AGBL4: variants seen among roughly 807,000 people sequenced by gnomAD.
AGBL4 encodes AGBL carboxypeptidase 4.
AGBL4 carries 58 observed loss-of-function variants against 66.4 expected under a neutral mutation model. The ratio of observed to expected loss-of-function variants is 0.87; its 90% confidence interval spans 0.71 to 1.09. The LOEUF (loss-of-function observed/expected upper bound fraction) is 1.09. AGBL4 is among the 50% of genes least tolerant of loss of function. AGBL4 has a pLI of 0.00. For missense variants in AGBL4, 579 were observed against 631.0 expected (o/e 0.92, Z 0.88); for synonymous variants, 234 against 222.9 (o/e 1.05, Z -0.44).
intron 5 of AGBL4, among the ~76,000 whole-genome samples, chr1:48,868,078 C>G (rs1372215822): frequency 2.0e-5 from 3 of 152,132 alleles, no homozygotes; most frequent in Admixed American, 2.0e-4. Context: ...TCCTTAAGTC[C>G]CAGTCCTCCT....
Position 48,736,163 on chromosome 1 carries a change from T to C in AGBL4, c.635-72922A>G, listed in dbSNP as rs949632050. 45 of 1,491,678 alleles carry C rather than the reference T, an allele frequency of 3.0e-5. No individual in the cohort carries two copies. In the Middle Eastern group the frequency reaches 6.9e-4, roughly 23 times the overall value. 92.4% of individuals were successfully genotyped at this position (1,491,678 alleles called of 1,614,324 possible). Reference sequence around the variant, plus strand: ...AGAAGCTTCATAAGTAATCGTTGAATTGAATTGTGCCTAACACATTCTTGA... The same window carrying C: ...AGAAGCTTCATAAGTAATCGTTGAACTGAATTGTGCCTAACACATTCTTGA... On this transcript the variant is annotated intron_variant, in intron 6 of 13. Coordinates refer to ENST00000371839, the MANE Select transcript of AGBL4 (RefSeq NM_032785.4). This position sits in a 1 kb window ranked among gnomAD's most constrained non-coding sequence, Gnocchi z 4.0.
rs369248769 is a variant in AGBL4, at chr1:49,768,987, T to C, written c.158-71550A>G. Among the ~76,000 whole-genome samples the C allele has an allele frequency of 2.6e-5, 4 of 152,262 alleles. No homozygotes were observed. The East Asian group carries it at 7.7e-4, about 29-fold the overall frequency. On this transcript the variant is annotated intron_variant, in intron 2 of 13. Coordinates refer to ENST00000371839, the MANE Select transcript of AGBL4 (RefSeq NM_032785.4). ...CCTCAGCCTCCCAAGTAGCTGGGAT[T>C]ACAGGCATATGCCACCACATCCAGC...
intron 11 of AGBL4, 46 bp downstream of exon 11, chr1:48,586,958 C>G (rs77301668): frequency 1.9e-6 from 3 of 1,605,456 alleles, no homozygotes; most frequent in South Asian, 2.3e-5. Flanking sequence ...TGGATACTCT[C>G]GGCTGGATGA....
At chr1:49,195,358 G>A (rs762115811) in intron 4 of AGBL4, among the ~76,000 whole-genome samples, 8 of 152,174 alleles carry the variant, frequency 5.3e-5, no homozygotes, top group Non-Finnish European at 7.4e-5. Context: ...TGATGATGAA[G>A]TCTCTCTGTA....
intron 1 of AGBL4, among the ~76,000 whole-genome samples, chr1:49,933,522 T>C (rs952649447): frequency 5.3e-5 from 8 of 152,100 alleles, no homozygotes; most frequent in African/African-American, 1.7e-4. Flanking sequence ...ACTGTAATGA[T>C]AGAGTATAAA....
At chr1:49,290,126 A>C (rs1267448056) in intron 3 of AGBL4, among the ~76,000 whole-genome samples, 3 of 152,214 alleles carry the variant, frequency 2.0e-5, no homozygotes, top group African/African-American at 7.2e-5. Context: ...TATTGAAATA[A>C]ATTAGAAAAT....
intron 3 of AGBL4, among the ~76,000 whole-genome samples, chr1:49,405,884 C>T (rs530076887): frequency 3.9e-5 from 6 of 152,326 alleles, no homozygotes; most frequent in African/African-American, 1.4e-4. Context: ...CACTCTCCAA[C>T]TCAATGTCAT....
At chr1:49,916,334 GA>G (rs1466906527) in intron 1 of AGBL4, among the ~76,000 whole-genome samples, 1 of 152,040 alleles carries the variant, frequency 6.6e-6, no homozygotes, top group East Asian at 1.9e-4. Context: ...TAAAAACCTT[GA>G]AAAAAGATTA....
intron 3 of AGBL4, among the ~76,000 whole-genome samples, chr1:49,595,689 T>G: frequency 6.6e-6 from 1 of 152,138 alleles, no homozygotes; most frequent in Non-Finnish European, 1.5e-5. Context: ...TGAAATGCAA[T>G]TATTTCATAG....
intron 3 of AGBL4, among the ~76,000 whole-genome samples, chr1:49,658,188 G>A (rs1476277953): frequency 6.6e-6 from 1 of 152,124 alleles, no homozygotes; most frequent in African/African-American, 2.4e-5. Context: ...CCATCAAAAA[G>A]TGGGTGAAGG....
At chr1:48,671,547 A>C (rs1410555345) in intron 6 of AGBL4, among the ~76,000 whole-genome samples, 5 of 152,246 alleles carry the variant, frequency 3.3e-5, no homozygotes. Context: ...TCATTTTCTC[A>C]TCTGCAAAAT....
At chr1:48,670,730 G>T (rs535166068) in intron 6 of AGBL4, among the ~76,000 whole-genome samples, 1 of 152,178 alleles carries the variant, frequency 6.6e-6, no homozygotes, top group African/African-American at 2.4e-5. Context: ...CCTCAGGCAG[G>T]CTCCCTACCC....
chr1:49,654,044 G>A (rs1034900294), intron 3 of AGBL4, among the ~76,000 whole-genome samples: 3 of 152,170 alleles, frequency 2.0e-5, no homozygotes, highest in East Asian at 3.9e-4. Flanking sequence ...AGATCGAAAC[G>A]AAAGAAAACA....
intron 1 of AGBL4, among the ~76,000 whole-genome samples, chr1:49,909,424 A>G (rs1452950711): frequency 6.6e-6 from 1 of 152,138 alleles, no homozygotes; most frequent in Admixed American, 6.5e-5. Flanking sequence ...TGAAGAAAGT[A>G]AGGGGACGTA....
chr1:48,590,554 TCAAAA>T (rs573418805), intron 10 of AGBL4, among the ~76,000 whole-genome samples: 1 of 151,932 alleles, frequency 6.6e-6, no homozygotes, highest in Non-Finnish European at 1.5e-5. Flanking sequence ...AGATCCTGTC[TCAAAA>T]CAAAACAAAA....
chr1:48,806,978 G>A (rs1009221081), intron 6 of AGBL4, among the ~76,000 whole-genome samples: 1 of 152,140 alleles, frequency 6.6e-6, no homozygotes, highest in East Asian at 1.9e-4. Flanking sequence ...CTATGCTTGT[G>A]AATGAGCATC....
rs149449677 is a variant in AGBL4 at position 49,218,880 on chromosome 1, T to C, written c.377+26890A>G. On this transcript the variant is annotated intron_variant, in intron 4 of 13. Coordinates refer to ENST00000371839, the MANE Select transcript of AGBL4 (RefSeq NM_032785.4). ...AGTCTCACAAGATCTGATGGTTTTA[T>C]AAAGAGGAATTTCCTGCACAAGCTC... Among the ~76,000 whole-genome samples the C allele has an allele frequency of 7.4e-3, 1,130 of 152,230 alleles. 12 individuals carry two copies. The highest frequency in any genetic ancestry group is 0.025 in the African/African-American group (1,054 of 41,542).
rs190525536 is a variant in AGBL4 at position 48,547,898 on chromosome 1, C to T, written c.1268-8160G>A. Among the ~76,000 whole-genome samples the T allele has an allele frequency of 2.2e-3, 337 of 152,212 alleles. 1 individual carries two copies. Among genetic ancestry groups the T allele is most frequent in the African/African-American group, 7.6e-3 (315 of 41,528 alleles). On this transcript the variant is annotated intron_variant, in intron 11 of 13. Coordinates refer to ENST00000371839, the MANE Select transcript of AGBL4 (RefSeq NM_032785.4). ...CTTGGGCCATTTCCCTTCACTGGGCCTAACTTCTCTGTGGGTAAATGTAGT... is the reference window on the plus strand; with the variant it reads ...CTTGGGCCATTTCCCTTCACTGGGCTTAACTTCTCTGTGGGTAAATGTAGT...
chr1:49,838,713 A>G (rs1645914346), intron 2 of AGBL4, among the ~76,000 whole-genome samples: 1 of 152,228 alleles, frequency 6.6e-6, no homozygotes, highest in South Asian at 2.1e-4. Context: ...GGAAGAAGCA[A>G]TAACAGTAAG....
Sources: gnomAD v4.1 joint callset for allele counts (sites outside exome capture counted in the v4.1 genomes callset) on GRCh38, gnomAD v4.1.1 for gene constraint, Gnocchi (gnomAD v3.1) non-coding constraint, MANE v1.5 for transcripts, NCBI Gene and HGNC (gene_info 2026-07-23, HGNC 2026-07-21) for gene names.